The following UPF3B variants were observed in gnomAD, a reference collection of about 807,000 sequenced individuals.
UPF3B encodes the protein UPF3B regulator of nonsense mediated mRNA decay, also known as regulator of nonsense transcripts 3B.
UPF3B carries 7 observed loss-of-function variants against 40.3 expected under a neutral mutation model. The ratio of observed to expected loss-of-function variants is 0.17; its 90% CI spans 0.10 to 0.33. The LOEUF is 0.33. Among genes scored for constraint, UPF3B ranks in the 10% least tolerant of loss-of-function variants. The pLI is 1.00. For synonymous variants in UPF3B, 117 were observed against 117.3 expected (o/e 1.00, Z 0.01); for missense variants, 229 against 358.9 (o/e 0.64, Z 2.93).
chrX:119,831,085 A>C (rs969726014), downstream of UPF3B, among the ~76,000 whole-genome samples: 5 of 112,385 alleles, frequency 4.4e-5, no homozygotes, highest in Non-Finnish European at 7.5e-5. Context: ...CACTAAAATT[A>C]ATTTGTAGAA....
chrX:119,823,426 CG>C (rs1344970821), intron 3 of UPF3B, among the ~76,000 whole-genome samples: 10 of 110,537 alleles, frequency 9.0e-5, no homozygotes, highest in Admixed American at 3.9e-4. Context: ...TTAGCAGAGA[CG>C]GGGTTGCCCT....
Position 119,823,020 on chromosome X carries a change from G to T in UPF3B, c.417C>A (p.Tyr139Ter), listed in dbSNP as rs1569459561. Residue 139 changes from tyrosine to a stop codon, truncating the protein, a stop_gained, in exon 4 of 7, where the codon TAC becomes TAA. Coordinates refer to the UPF3B transcript ENST00000636792. LOFTEE classifies it high-confidence loss of function. ...GACCTCGGCCTCGAGCTCCTCGATG[G>T]TAACACTGCATCCATGGACAGTCCT... 3 of 866,448 alleles carry T rather than the reference G, an allele frequency of 3.5e-6. No individual in the cohort carries two copies. The highest frequency in any genetic ancestry group is 4.3e-6 in the Non-Finnish European group (3 of 703,156). 71.4% of individuals were successfully genotyped at this position (866,448 alleles called of 1,213,427 possible).
At chrX:119,830,462 A>G (rs2056024372), downstream of UPF3B, among the ~76,000 whole-genome samples, 1 of 110,627 alleles carries the variant, frequency 9.0e-6, no homozygotes, top group Non-Finnish European at 1.9e-5. Flanking sequence ...TTCACCTTCC[A>G]CCATGAGTAA....
At chrX:119,834,020 G>A (rs766023944), downstream of UPF3B, 92 of 751,935 alleles carry the variant, frequency 1.2e-4, no homozygotes, top group Middle Eastern at 7.5e-4. Context: ...AACACACTTA[G>A]CTTCACACTT....
chrX:119,820,805 G>C (rs1264750932), intron 4 of UPF3B, among the ~76,000 whole-genome samples: 1 of 111,345 alleles, frequency 9.0e-6, no homozygotes, highest in East Asian at 2.8e-4. Context: ...GCTGGACACG[G>C]TGGCTCATGC....
At chrX:119,845,703 T>C (rs1341560458) in intron 3 of UPF3B, among the ~76,000 whole-genome samples, 1 of 110,965 alleles carries the variant, frequency 9.0e-6, no homozygotes, top group Non-Finnish European at 1.9e-5. Flanking sequence ...TGACAACTAA[T>C]GGGTGGGGTT....
intron 7 of UPF3B, among the ~76,000 whole-genome samples, 169 bp downstream of exon 7, chrX:119,840,907 T>A (rs2056153427): frequency 8.9e-6 from 1 of 111,847 alleles, no homozygotes; most frequent in South Asian, 3.6e-4. Context: ...ATCTTAAATT[T>A]AAAAACTAAT....
chrX:119,831,789 C>G (rs1478773514), downstream of UPF3B: 1 of 605,610 alleles, frequency 1.7e-6, no homozygotes, highest in East Asian at 1.7e-4. Flanking sequence ...GTTACTGTTA[C>G]AACAATGCTA....
chrX:119,836,676 A>C (rs1485274196), intron 10 of UPF3B, among the ~76,000 whole-genome samples: 8 of 105,773 alleles, frequency 7.6e-5, no homozygotes, highest in African/African-American at 2.4e-4. Context: ...TTTGAGACAG[A>C]GTCTCGCTCT....
Position 119,851,748 on chromosome X carries a change from CTTTTTTT to C in UPF3B, c.263+12_263+18del. 1 of 565,642 alleles carries C rather than the reference CTTTTTTT, an allele frequency of 1.8e-6. No homozygotes were observed. Among genetic ancestry groups the C allele is most frequent in the Non-Finnish European group, 2.4e-6 (1 of 411,752 alleles). 46.6% of individuals were successfully genotyped at this position (565,642 alleles called of 1,213,427 possible). ...GAAACCTTTTTCATTTACCCCTTTCCTTTTTTTTTTTTTTTTACCTCGTATCATTAGA... is the reference window on the plus strand; with the variant it reads ...GAAACCTTTTTCATTTACCCCTTTCCTTTTTTTTTACCTCGTATCATTAGA... On this transcript the variant is annotated intron_variant, in intron 2 of 10. Coordinates refer to ENST00000276201, the MANE Select transcript of UPF3B (RefSeq NM_080632.3).
chrX:119,807,631 A>C (rs2055803067), intron 5 of UPF3B: 15 of 648,459 alleles, frequency 2.3e-5, no homozygotes, highest in Non-Finnish European at 2.8e-5. Flanking sequence ...AATATGCTTT[A>C]AATGGGATTA....
At chrX:119,832,114 A>G (rs1325318666), downstream of UPF3B, among the ~76,000 whole-genome samples, 2 of 111,327 alleles carry the variant, frequency 1.8e-5, no homozygotes, top group East Asian at 5.6e-4. Context: ...ACACTCTCCC[A>G]CACTGGGCTA....
chrX:119,807,801 CT>C (rs1329426646), intron 5 of UPF3B, among the ~76,000 whole-genome samples: 2 of 110,788 alleles, frequency 1.8e-5, no homozygotes, highest in African/African-American at 6.6e-5. Flanking sequence ...GGTTCAGTTT[CT>C]TTTTTTTCAG....
chrX:119,843,519 C>T (rs754556126), intron 4 of UPF3B, among the ~76,000 whole-genome samples: 1 of 112,048 alleles, frequency 8.9e-6, no homozygotes, highest in African/African-American at 3.2e-5. Context: ...TCTGGTATAA[C>T]ATGGGGTCAG....
rs368293501 is a variant in UPF3B, at chrX:119,837,802, A to G, written c.1257T>C (p.Thr419=). Residue 419 remains threonine, a synonymous_variant, in exon 10 of 11, where the codon ACT becomes ACC. Coordinates refer to ENST00000276201, the MANE Select transcript of UPF3B (RefSeq NM_080632.3). ...STESIGSSEK[T]EKKEEVVKRD... is the part of the protein sequence containing the mutation. Reference sequence around the variant, plus strand: ...TCTTGACCACTTCTTCTTTCTTTTCAGTTTTTTCTGAGCTGCCTATTGATT... The same window carrying G: ...TCTTGACCACTTCTTCTTTCTTTTCGGTTTTTTCTGAGCTGCCTATTGATT... The G allele has an allele frequency of 5.8e-6, 7 of 1,208,504 alleles. No homozygotes were observed. The highest frequency in any genetic ancestry group is 1.8e-5 in the South Asian group (1 of 56,488).
At chrX:119,818,669 T>C (rs1179165137) in intron 4 of UPF3B, among the ~76,000 whole-genome samples, 1 of 112,204 alleles carries the variant, frequency 8.9e-6, no homozygotes, top group Non-Finnish European at 1.9e-5. Context: ...GAGCAAACTT[T>C]CCACTTGATG....
At chrX:119,833,859 T>TA (rs776284933), downstream of UPF3B, among the ~76,000 whole-genome samples, 1 of 112,529 alleles carries the variant, frequency 8.9e-6, no homozygotes, top group Non-Finnish European at 1.9e-5. Flanking sequence ...AACCAGCTCT[T>TA]ACTTTTGTTT....
intron 5 of UPF3B, among the ~76,000 whole-genome samples, chrX:119,813,099 G>A (rs2055837709): frequency 9.0e-6 from 1 of 111,658 alleles, no homozygotes; most frequent in Non-Finnish European, 1.9e-5. Context: ...ATAAAGTGGT[G>A]ATTAAGAAAG....
At chrX:119,836,639 A>G (rs1048438396) in intron 10 of UPF3B, among the ~76,000 whole-genome samples, 7 of 107,876 alleles carry the variant, frequency 6.5e-5, no homozygotes, top group African/African-American at 2.4e-4. Flanking sequence ...CATGGAGTTC[A>G]TCATACTATT....
Sources: allele counts gnomAD v4.1 joint callset (sites outside exome capture counted in the v4.1 genomes callset), GRCh38; gene constraint gnomAD v4.1.1; transcripts MANE v1.5; gene names NCBI Gene and HGNC (gene_info 2026-07-23, HGNC 2026-07-21).